The following PCCA variants were observed in gnomAD, a reference collection of about 807,000 sequenced individuals.
The protein encoded by PCCA is propionyl-CoA carboxylase alpha chain, mitochondrial.
In PCCA, 74 loss-of-function variants were observed where a neutral mutation model predicts 101.3. The observed-to-expected ratio is 0.73, with a 90% CI of 0.61 to 0.89. The LOEUF (loss-of-function observed/expected upper bound fraction) is 0.89. Among genes scored for constraint, PCCA ranks in the 40% least tolerant of loss-of-function variants. The pLI, the probability that PCCA is intolerant of heterozygous loss-of-function variation, is 0.00. For synonymous variants in PCCA, 294 were observed against 313.6 expected (o/e 0.94, Z 0.66); for missense variants, 891 against 907.0 (o/e 0.98, Z 0.23).
intron 19 of PCCA, among the ~76,000 whole-genome samples, chr13:100,423,065 T>C (rs2078932489): frequency 1.3e-5 from 2 of 152,200 alleles, no homozygotes; most frequent in Non-Finnish European, 2.9e-5. Flanking sequence ...TTCTGAGTGT[T>C]GTTTATGTTG....
chr13:100,281,268 C>T (rs1359904742), intron 12 of PCCA, among the ~76,000 whole-genome samples: 10 of 152,092 alleles, frequency 6.6e-5, no homozygotes, highest in Admixed American at 4.6e-4. Context: ...ATGAATCTTC[C>T]GTCGGTGGCA....
chr13:100,336,824 G>A (rs572578174), intron 17 of PCCA, among the ~76,000 whole-genome samples: 1 of 152,170 alleles, frequency 6.6e-6, no homozygotes, highest in South Asian at 2.1e-4. Flanking sequence ...TGTTGTGAAC[G>A]TTCCAAGGCT....
intron 19 of PCCA, among the ~76,000 whole-genome samples, chr13:100,418,707 A>G (rs1033052840): frequency 5.3e-5 from 8 of 151,842 alleles, no homozygotes; most frequent in African/African-American, 1.9e-4. Context: ...GGTGGTGTAC[A>G]CCTGTAATCC....
intron 4 of PCCA, chr13:100,151,037 C>T (rs1036520405): frequency 1.3e-6 from 2 of 1,553,650 alleles, no homozygotes; most frequent in South Asian, 1.1e-5. Flanking sequence ...CAGAAGAAAG[C>T]GCATGACATC....
intron 14 of PCCA, among the ~76,000 whole-genome samples, chr13:100,304,820 C>A (rs1311473658): frequency 6.6e-6 from 1 of 152,170 alleles, no homozygotes; most frequent in East Asian, 1.9e-4. Flanking sequence ...CACAAGAATG[C>A]ATACTTAAGA....
At chr13:100,204,740 A>C (rs1452568660) in intron 6 of PCCA, among the ~76,000 whole-genome samples, 2 of 152,142 alleles carry the variant, frequency 1.3e-5, no homozygotes, top group Non-Finnish European at 2.9e-5. Flanking sequence ...GAGTCACAGA[A>C]TTTAGGAAAT....
intron 6 of PCCA, among the ~76,000 whole-genome samples, chr13:100,182,466 G>A (rs1594586928): frequency 6.6e-6 from 1 of 152,190 alleles, no homozygotes; most frequent in South Asian, 2.1e-4. Context: ...TGGAACCAGT[G>A]TCAGGGCTGT....
At chr13:100,469,431 T>A (rs2082810226) in intron 21 of PCCA, among the ~76,000 whole-genome samples, 1 of 152,058 alleles carries the variant, frequency 6.6e-6, no homozygotes, top group Non-Finnish European at 1.5e-5. Flanking sequence ...TGAAACCTCA[T>A]GCTTTGGAAT....
chr13:100,106,834 G>C (rs2047847196), intron 2 of PCCA, among the ~76,000 whole-genome samples: 1 of 152,162 alleles, frequency 6.6e-6, no homozygotes, highest in African/African-American at 2.4e-5. Context: ...TGCTATCTTT[G>C]CCATCTCCTT....
chr13:100,217,053 G>A (rs2059561118), intron 7 of PCCA, among the ~76,000 whole-genome samples: 1 of 151,836 alleles, frequency 6.6e-6, no homozygotes, highest in Non-Finnish European at 1.5e-5. Context: ...AGGTTGCAGT[G>A]AGCCGAGATC....
At chr13:100,217,647 G>A (rs1215289195) in intron 7 of PCCA, among the ~76,000 whole-genome samples, 4 of 151,716 alleles carry the variant, frequency 2.6e-5, no homozygotes, top group African/African-American at 9.7e-5. Context: ...GAGGTCAGGA[G>A]TTCAAGACCA....
intron 20 of PCCA, among the ~76,000 whole-genome samples, chr13:100,444,050 T>C (rs2080579633): frequency 6.6e-6 from 1 of 152,146 alleles, no homozygotes; most frequent in African/African-American, 2.4e-5. Flanking sequence ...GACCTGGGTT[T>C]ATAATTCCTT....
chr13:100,329,806 T>G (rs1033992128), intron 16 of PCCA, among the ~76,000 whole-genome samples: 1 of 152,136 alleles, frequency 6.6e-6, no homozygotes, highest in Non-Finnish European at 1.5e-5. Context: ...ATGGTCACTG[T>G]TTAGTGGTCT....
rs2079314573 is a variant in PCCA at position 100,428,351 on chromosome 13, CA to C, written c.1845+2621del. Among the ~76,000 whole-genome samples the C allele has an allele frequency of 2.1e-5, 3 of 141,886 alleles. No individual in the cohort carries two copies. The East Asian group carries it at 6.5e-4, about 31-fold the overall frequency. The allele number at this position is 141,886 out of a possible 152,430, so 93.1% of individuals were successfully genotyped here. A position where few individuals can be genotyped will look rare whatever the true frequency, so the allele number is the denominator to read the frequency against. ...CCCCCCTACCCCCCACCCCCACCCC[CA>C]CCCCCCCCACACCCTCAGCCTAGAT... On this transcript the variant is annotated intron_variant, in intron 20 of 23. Transcript: ENST00000376285.
chr13:100,470,568 G>A (rs995280469), intron 21 of PCCA, among the ~76,000 whole-genome samples: 1 of 152,012 alleles, frequency 6.6e-6, no homozygotes, highest in Non-Finnish European at 1.5e-5. Flanking sequence ...AATTGAATCT[G>A]GAGATTCCTG....
chr13:100,366,422 T>C (rs1434090044), intron 18 of PCCA, among the ~76,000 whole-genome samples: 1 of 152,102 alleles, frequency 6.6e-6, no homozygotes, highest in Non-Finnish European at 1.5e-5. Context: ...CCCTCATCTC[T>C]TTGTCTCCAT....
intron 2 of PCCA, among the ~76,000 whole-genome samples, chr13:100,110,621 A>G (rs1460545114): frequency 2.6e-5 from 4 of 152,150 alleles, no homozygotes; most frequent in South Asian, 2.1e-4. Flanking sequence ...GCATTTTTGG[A>G]TATATGCACA....
At chr13:100,155,242 G>C (rs1227013986) in intron 5 of PCCA, 150 bp downstream of exon 5, 5 of 662,282 alleles carry the variant, frequency 7.5e-6, no homozygotes, top group Admixed American at 7.2e-5. Context: ...GGTCGAATTC[G>C]CTACTGGAAA....
chr13:100,256,187 A>G (rs1300519894), intron 8 of PCCA, among the ~76,000 whole-genome samples: 3 of 152,030 alleles, frequency 2.0e-5, no homozygotes, highest in Non-Finnish European at 4.4e-5. Context: ...TTGTATTTTT[A>G]GTAGAGACGG....
Sources: gnomAD v4.1 joint callset for allele counts (sites outside exome capture counted in the v4.1 genomes callset) on GRCh38, gnomAD v4.1.1 for gene constraint, MANE v1.5 for transcripts, NCBI Gene and HGNC (gene_info 2026-07-23, HGNC 2026-07-21) for gene names.